The following PSMF1 variants were observed in gnomAD, a reference collection of about 807,000 sequenced individuals.
The protein encoded by PSMF1 is proteasome inhibitor PI31 subunit.
PSMF1 carries 30 observed loss-of-function variants against 29.3 expected under a neutral mutation model. That is an observed-to-expected ratio of 1.02 (90% CI 0.77 to 1.39). The LOEUF is 1.39. Among genes scored for constraint, PSMF1 ranks in the 40% most tolerant of loss-of-function variants. The probability of loss-of-function intolerance (pLI) is 0.00; values close to 1 mark genes in which losing one functional copy is unlikely to be tolerated. For synonymous variants in PSMF1, 134 were observed against 139.7 expected (o/e 0.96, Z 0.29); for missense variants, 344 against 357.5 (o/e 0.96, Z 0.31).
intron 4 of PSMF1, among the ~76,000 whole-genome samples, chr20:1,142,926 G>A (rs2086402314): frequency 6.6e-6 from 1 of 152,162 alleles, no homozygotes; most frequent in African/African-American, 2.4e-5. Flanking sequence ...ATCCTCTCCA[G>A]CAGGTATAAT....
rs1209215181 is a variant in PSMF1 at position 1,139,200 on chromosome 20, C to CA, written c.551+3900dup. ...AACACACATACGAAAAGAACAACAA[C>CA]AAAAAACAACAATAGAAGGGAATTT... On this transcript the variant is annotated intron_variant, in intron 4 of 6. Transcript: ENST00000335877. Among the ~76,000 whole-genome samples, 5 of 152,010 alleles carry CA rather than the reference C, an allele frequency of 3.3e-5. No individual in the cohort carries two copies. The East Asian group carries it at 9.7e-4, about 29-fold the overall frequency.
intron 4 of PSMF1, among the ~76,000 whole-genome samples, chr20:1,146,103 C>T (rs1481862183): frequency 1.3e-4 from 20 of 152,108 alleles, no homozygotes; most frequent in Admixed American, 1.2e-3. Context: ...TGCACTTCCC[C>T]TGTGGCATGG....
intron 4 of PSMF1, among the ~76,000 whole-genome samples, chr20:1,144,660 A>G (rs2086426030): frequency 6.6e-6 from 1 of 152,252 alleles, no homozygotes; most frequent in Non-Finnish European, 1.5e-5. Flanking sequence ...GCTGAGTGAA[A>G]GAAGCCATTC....
chr20:1,114,207 G>C (rs6077780), upstream of PSMF1, among the ~76,000 whole-genome samples: 4 of 152,202 alleles, frequency 2.6e-5, no homozygotes, highest in African/African-American at 4.8e-5. Flanking sequence ...ATAGCTCTGA[G>C]ACATGCCCCA....
chr20:1,128,455 ATT>A (rs1318715421), intron 3 of PSMF1, among the ~76,000 whole-genome samples: 2 of 152,172 alleles, frequency 1.3e-5, no homozygotes, highest in Non-Finnish European at 2.9e-5. Context: ...ACACACAAAT[ATT>A]TTCTGAATTG....
chr20:1,164,490 C>A lies in PSMF1; in HGVS notation c.764+14C>A. 2 of 1,613,826 alleles carry A rather than the reference C, an allele frequency of 1.2e-6. No homozygotes were observed. The highest frequency in any genetic ancestry group is 2.2e-5 in the South Asian group (2 of 91,074). ...CAGCCCACCCGGGTACGTAGTCACTCAGGTATGCTGAGAAGTAGGACCTGA... is the reference window on the plus strand; with the variant it reads ...CAGCCCACCCGGGTACGTAGTCACTAAGGTATGCTGAGAAGTAGGACCTGA... On this transcript the variant is annotated intron_variant, in intron 6 of 6. Transcript: ENST00000335877. This position sits in a 1 kb window ranked among gnomAD's most constrained non-coding sequence, Gnocchi z 4.1.
chr20:1,139,068 C>T (rs539241330), intron 4 of PSMF1, among the ~76,000 whole-genome samples: 4 of 151,792 alleles, frequency 2.6e-5, no homozygotes, highest in African/African-American at 9.7e-5. Flanking sequence ...CCCAGCTACT[C>T]GGTAGGCTGA....
chr20:1,157,521 A>G (rs1157801305), intron 4 of PSMF1, among the ~76,000 whole-genome samples: 1 of 152,254 alleles, frequency 6.6e-6, no homozygotes, highest in African/African-American at 2.4e-5. Context: ...AAATGCTGAT[A>G]CAAAGTCAGT....
At chr20:1,157,815 C>T (rs1245355150) in intron 4 of PSMF1, among the ~76,000 whole-genome samples, 1 of 149,652 alleles carries the variant, frequency 6.7e-6, no homozygotes, top group Admixed American at 6.7e-5. Context: ...CCTGAAGGGT[C>T]TGGATCATTT....
intron 4 of PSMF1, among the ~76,000 whole-genome samples, chr20:1,136,151 A>T (rs2122513665): frequency 6.6e-6 from 1 of 152,382 alleles, no homozygotes; most frequent in Admixed American, 6.5e-5. Flanking sequence ...TTTACCAAAA[A>T]TATTGAGTCC....
intron 4 of PSMF1, among the ~76,000 whole-genome samples, chr20:1,144,760 G>C (rs2086427225): frequency 6.6e-6 from 1 of 152,220 alleles, no homozygotes; most frequent in African/African-American, 2.4e-5. Context: ...GTGGTTGCCA[G>C]GGGTTATGAG....
chr20:1,139,732 G>A (rs1237503000), intron 4 of PSMF1, among the ~76,000 whole-genome samples: 26 of 121,096 alleles, frequency 2.1e-4, no homozygotes, highest in Admixed American at 1.3e-3. Context: ...GCAACAGAGC[G>A]AGACTCCATC....
chr20:1,128,680 T>C (rs560882647), intron 3 of PSMF1, among the ~76,000 whole-genome samples: 1 of 146,882 alleles, frequency 6.8e-6, no homozygotes, highest in East Asian at 2.7e-4. Context: ...TTTATTCCAT[T>C]ATAGGGATTT....
intron 3 of PSMF1, among the ~76,000 whole-genome samples, chr20:1,131,617 C>G (rs1193971135): frequency 6.6e-6 from 1 of 152,230 alleles, no homozygotes; most frequent in African/African-American, 2.4e-5. Flanking sequence ...GCCATAGCTT[C>G]CTCCATGTAG....
chr20:1,147,633 T>C (rs1600162311), intron 4 of PSMF1, among the ~76,000 whole-genome samples: 2 of 152,190 alleles, frequency 1.3e-5, no homozygotes, highest in Admixed American at 6.5e-5. Flanking sequence ...AGGCTTTTTC[T>C]TAGCCTCTAG....
intron 2 of PSMF1, among the ~76,000 whole-genome samples, chr20:1,126,745 C>T (rs2086161775): frequency 6.6e-6 from 1 of 151,924 alleles, no homozygotes; most frequent in Non-Finnish European, 1.5e-5. Flanking sequence ...CGGGCGTGGT[C>T]GTGGGTGCCT....
At chr20:1,158,420 C>G (rs1354630313) in intron 4 of PSMF1, among the ~76,000 whole-genome samples, 1 of 152,200 alleles carries the variant, frequency 6.6e-6, no homozygotes, top group Non-Finnish European at 1.5e-5. Context: ...GCAGAAGTTT[C>G]ATGGCAGACC....
chr20:1,158,982 G>A (rs2122595686), intron 4 of PSMF1, among the ~76,000 whole-genome samples: 1 of 151,936 alleles, frequency 6.6e-6, no homozygotes, highest in South Asian at 2.1e-4. Context: ...CTTGAACCTG[G>A]GAGGCAGAGG....
chr20:1,163,054 G>A lies in PSMF1; in HGVS notation c.552-76G>A. ...ATGCAAGGGTTTCCCATGCCTGTGA[G>A]TGTGTTTGTGATCCCACATGTATCA... On this transcript the variant is annotated intron_variant, in intron 4 of 6. Transcript: ENST00000335877. The surrounding 1 kb of genome is among the most constrained non-coding windows in gnomAD (Gnocchi z 6.1). 6.6e-7 allele frequency: 1 copy of A among 1,517,750 alleles called. No homozygotes were observed. 94.0% of individuals were successfully genotyped at this position (1,517,750 alleles called of 1,614,324 possible). A position where few individuals can be genotyped will look rare whatever the true frequency, so the allele number is the denominator to read the frequency against.
Sources: gnomAD v4.1 joint callset for allele counts (sites outside exome capture counted in the v4.1 genomes callset) on GRCh38, gnomAD v4.1.1 for gene constraint, Gnocchi (gnomAD v3.1) non-coding constraint, MANE v1.5 for transcripts, NCBI Gene and HGNC (gene_info 2026-07-23, HGNC 2026-07-21) for gene names.